Variants in POLQ observed in about 807,000 individuals in gnomAD.
The protein encoded by POLQ is epididymis secretory sperm binding protein.
POLQ carries 233 observed loss-of-function variants against 259.2 expected under a neutral mutation model. The ratio of observed to expected loss-of-function variants is 0.90; its 90% confidence interval spans 0.81 to 1.00. The LOEUF is 1.00. Ranked by LOEUF, POLQ falls within the 50% of genes least tolerant of loss-of-function variation. The probability of loss-of-function intolerance (pLI) is 0.00; values close to 1 mark genes in which losing one functional copy is unlikely to be tolerated. For missense variants in POLQ, 2,871 were observed against 3,051.6 expected, an observed-to-expected ratio of 0.94 and a Z score of 1.39; for synonymous variants, 1,025 against 1,048.8, an observed-to-expected ratio of 0.98 and a Z score of 0.44.
At chr3:121,443,902 G>A (rs2047612897) in intron 26 of POLQ, among the ~76,000 whole-genome samples, 1 of 152,084 alleles carries the variant, frequency 6.6e-6, no homozygotes, top group South Asian at 2.1e-4. Context: ...CTGTAGATGT[G>A]TGGGTTTCTT....
rs565785285 is a variant in POLQ, at chr3:121,467,333, G to A, written c.6967+186C>T. Among the ~76,000 whole-genome samples the A allele has an allele frequency of 1.2e-4, 19 of 152,252 alleles. No individual in the cohort carries two copies. In the South Asian group the frequency reaches 3.5e-3, roughly 28 times the overall value. The stretch of plus-strand genomic sequence containing the variant: ...ACACACCATAAAAGTTTCCCACAGA[G>A]CAGATCATGGAGATGATGACTGCTA... On this transcript the variant is annotated intron_variant, in intron 24 of 29. Transcript: ENST00000264233.
At chr3:121,434,554 T>A (rs998454097) in intron 28 of POLQ, among the ~76,000 whole-genome samples, 2 of 152,236 alleles carry the variant, frequency 1.3e-5, no homozygotes, top group African/African-American at 4.8e-5. Context: ...TGTATGTGTG[T>A]GTATATACAC....
At position 121,476,621 on chromosome 3, in the gene POLQ, G is replaced by C; in HGVS notation, c.6324C>G (p.Ala2108=). Residue 2108 remains alanine (A), a synonymous_variant, in exon 20 of 30, where the codon GCC becomes GCG. Transcript: ENST00000264233. ...ECESQKHIMQ[A]KLDAIETQAY... is the part of the protein sequence containing the mutation. ...CCTGGGTCTCAATTGCATCCAGCTT[G>C]GCTTGCATTATATGTTTCTGACTTT... The C allele has an allele frequency of 6.2e-7, 1 of 1,613,866 alleles. No individual in the cohort carries two copies. Among genetic ancestry groups the C allele is most frequent in the Non-Finnish European group, 8.5e-7 (1 of 1,179,854 alleles).
At chr3:121,452,901 G>A (rs992403542) in intron 25 of POLQ, among the ~76,000 whole-genome samples, 2 of 152,210 alleles carry the variant, frequency 1.3e-5, no homozygotes, top group African/African-American at 4.8e-5. Context: ...CTCCTAGCAC[G>A]CAGCTGGAGA....
Position 121,489,314 on chromosome 3 carries a change from G to C in POLQ, c.3617C>G (p.Thr1206Ser), listed in dbSNP as rs2048043074. The part of the protein sequence containing the change: ...LRKQSHEQTS[T>S]ITKQKNIIER... ...TATTATATTTTTCTGTTTGGTAATAGTGCTTGTCTGTTCATGAGATTGCTT... is the reference window on the plus strand; with the variant it reads ...TATTATATTTTTCTGTTTGGTAATACTGCTTGTCTGTTCATGAGATTGCTT... The change falls in exon 16 of 30, where the codon ACT becomes AGT. Residue 1206 changes from threonine to serine, a missense_variant. Physicochemically the swap from Thr to Ser is moderately conservative, Grantham distance 58. Coordinates refer to ENST00000264233, the MANE Select transcript of POLQ (RefSeq NM_199420.4). 1 of 1,613,598 alleles carries C rather than the reference G, an allele frequency of 6.2e-7. No individual in the cohort carries two copies. The highest frequency in any genetic ancestry group is 1.7e-5 in the Admixed American group (1 of 59,968).
intron 29 of POLQ, 34 bp downstream of exon 29, chr3:121,432,884 T>G (rs1360288809): frequency 2.5e-6 from 3 of 1,203,042 alleles, no homozygotes; most frequent in Non-Finnish European, 3.7e-6. Context: ...TGTCTTGTCT[T>G]CCTATGGAAT....
chr3:121,472,053 A>G lies in POLQ; in HGVS notation c.6655T>C (p.Cys2219Arg), dbSNP rs1224977049. 6.3e-7 allele frequency: 1 copy of G among 1,590,260 alleles called. No individual in the cohort carries two copies. The highest frequency in any genetic ancestry group is 8.6e-7 in the Non-Finnish European group (1 of 1,162,580). The change falls in exon 22 of 30, where the codon TGT becomes CGT. Residue 2219 changes from cysteine to arginine, a missense_variant. By Grantham distance (180) the Cys-to-Arg change is radical. Coordinates refer to ENST00000264233, the MANE Select transcript of POLQ (RefSeq NM_199420.4). ...TCCATTCCAAGAAAAGGATTAAGACACTTTTCCCGCTGAAGGGGAAAGACC... is the reference window on the plus strand; with the variant it reads ...TCCATTCCAAGAAAAGGATTAAGACGCTTTTCCCGCTGAAGGGGAAAGACC... ...KVVFPLQREK[C>R]LNPFLGMERI... is the part of the protein sequence containing the mutation.
intron 18 of POLQ, among the ~76,000 whole-genome samples, chr3:121,482,881 A>AAG (rs1436607589): frequency 1.3e-5 from 2 of 152,228 alleles, no homozygotes; most frequent in Non-Finnish European, 2.9e-5. Context: ...TAACTGAGTC[A>AAG]TCATTACGAA....
At chr3:121,539,735 G>A (rs2048477531) in intron 3 of POLQ, 146 bp from the exon 4 acceptor site, 2 of 636,752 alleles carry the variant, frequency 3.1e-6, no homozygotes, top group Middle Eastern at 3.6e-4. Flanking sequence ...GGACACACTG[G>A]TTCTTTTTAG....
At chr3:121,543,611 G>A (rs549314497) in intron 2 of POLQ, among the ~76,000 whole-genome samples, 1 of 152,312 alleles carries the variant, frequency 6.6e-6, no homozygotes, top group African/African-American at 2.4e-5. Flanking sequence ...CAAAGGAATT[G>A]CATCTTACCA....
chr3:121,436,121 C>T lies in POLQ; in HGVS notation c.7543+1G>A, dbSNP rs748100791. On this transcript the variant is annotated splice_donor_variant, in intron 28 of 29. Coordinates refer to ENST00000264233, the MANE Select transcript of POLQ (RefSeq NM_199420.4). LOFTEE classifies it high-confidence loss of function. ...AGCACAGGCCTCATCTATGAACAAA[C>T]CTGTTTGGTCACTTTGGAGCATACC... 1.6e-5 allele frequency: 26 copies of T among 1,612,434 alleles called. No homozygotes were observed. Among genetic ancestry groups the T allele is most frequent in the South Asian group, 3.3e-5 (3 of 91,016 alleles).
intron 12 of POLQ, among the ~76,000 whole-genome samples, chr3:121,501,945 G>A (rs1332521218): frequency 3.6e-5 from 5 of 139,900 alleles, no homozygotes; most frequent in African/African-American, 5.4e-5. Context: ...AGCAGAGACT[G>A]CACCACCGCA....
chr3:121,436,912 A>G (rs16832303), intron 27 of POLQ, among the ~76,000 whole-genome samples: 13,797 of 151,890 alleles, frequency 0.091, 1,076 homozygotes, highest in East Asian at 0.41. Flanking sequence ...ACTAAAATTA[A>G]TCATCTTGGA....
chr3:121,539,570 C>T lies in POLQ; in HGVS notation c.494G>A (p.Gly165Glu). The T allele has an allele frequency of 1.2e-6, 2 of 1,612,702 alleles. No individual in the cohort carries two copies. Among genetic ancestry groups the T allele is most frequent in the Non-Finnish European group, 1.7e-6 (2 of 1,179,100 alleles). The change falls in exon 4 of 30, where the codon GGA (glycine) becomes GAA (glutamate). Residue 165 changes from glycine to glutamate, a missense_variant. This residue lies in a region of POLQ where 783 missense variants were observed against 906.2 expected (regional missense o/e 0.86). Transcript: ENST00000264233. ...YYLQSLFQEV[G>E]IKVDGYMGST... ...GCCCATATAACCGTCTACTTTTATT[C>T]CTACTTCCTGAAACAGACTCTGAAT...
chr3:121,506,108 CA>C (rs1182847860), intron 12 of POLQ, among the ~76,000 whole-genome samples: 4 of 149,366 alleles, frequency 2.7e-5, no homozygotes, highest in Middle Eastern at 3.5e-3. Context: ...AATTTCAGAG[CA>C]AAAAAAATTT....
chr3:121,471,790 T>G (rs981762432), intron 22 of POLQ, among the ~76,000 whole-genome samples, 200 bp downstream of exon 22: 28 of 151,966 alleles, frequency 1.8e-4, no homozygotes, highest in Non-Finnish European at 1.3e-4. Context: ...TAAATAAAAA[T>G]AAAAGCAGGA....
chr3:121,537,964 C>T (rs1336247864), intron 4 of POLQ, among the ~76,000 whole-genome samples: 1 of 152,100 alleles, frequency 6.6e-6, no homozygotes, highest in Non-Finnish European at 1.5e-5. Context: ...TACAGGCAGT[C>T]GTACTACAAG....
chr3:121,474,499 G>A (rs1461040336), intron 20 of POLQ, among the ~76,000 whole-genome samples: 2 of 152,206 alleles, frequency 1.3e-5, no homozygotes, highest in African/African-American at 2.4e-5. Context: ...TATACTTTGA[G>A]TGGGTTTTAA....
intron 25 of POLQ, among the ~76,000 whole-genome samples, chr3:121,452,804 G>A (rs1233672884): frequency 6.6e-6 from 1 of 152,144 alleles, no homozygotes; most frequent in Non-Finnish European, 1.5e-5. Context: ...CCACCTCTGG[G>A]GGCAGGGCAC....
Sources: allele counts gnomAD v4.1 joint callset (sites outside exome capture counted in the v4.1 genomes callset), GRCh38; gene constraint gnomAD v4.1.1; regional missense constraint gnomAD v4.1.1; transcripts MANE v1.5; gene names NCBI Gene and HGNC (gene_info 2026-07-23, HGNC 2026-07-21).